GLT6D1: variants seen among roughly 807,000 people sequenced by gnomAD.
GLT6D1 encodes the protein glycosyltransferase 6 domain containing 1, also known as putative glycosyltransferase 6 domain-containing protein 1.
In GLT6D1, 9 loss-of-function variants were observed where a neutral mutation model predicts 12.3. The ratio of observed to expected loss-of-function variants is 0.73; its 90% confidence interval spans 0.44 to 1.27. The LOEUF is 1.27. GLT6D1 is among the 50% of genes most tolerant of loss of function. GLT6D1 has a pLI of 0.00. For synonymous variants in GLT6D1, 128 were observed against 132.3 expected, an observed-to-expected ratio of 0.97 and a Z score of 0.23; for missense variants, 335 against 346.2, an observed-to-expected ratio of 0.97 and a Z score of 0.26.
At chr9:135,639,842 C>CTT (rs5901082), upstream of GLT6D1, among the ~76,000 whole-genome samples, 218 of 126,782 alleles carry the variant, frequency 1.7e-3, 1 homozygote, top group African/African-American at 4.5e-3. Flanking sequence ...CTGATTTTCA[C>CTT]TTTTTTTTTT....
intron 2 of GLT6D1, among the ~76,000 whole-genome samples, chr9:135,632,047 T>A (rs563587843): frequency 1.3e-5 from 2 of 151,966 alleles, no homozygotes; most frequent in East Asian, 3.9e-4. Context: ...ATTTCAACAC[T>A]GCGTTCTTCT....
At chr9:135,627,098 C>T (rs376047484) in intron 3 of GLT6D1, among the ~76,000 whole-genome samples, 2 of 152,066 alleles carry the variant, frequency 1.3e-5, no homozygotes, top group East Asian at 1.9e-4. Context: ...CGTGGCAGTA[C>T]CAACATAGTG....
chr9:135,631,592 G>A, intron 2 of GLT6D1, 114 bp from the exon 3 acceptor site: 2 of 789,078 alleles, frequency 2.5e-6, no homozygotes, highest in Non-Finnish European at 4.5e-6. Context: ...CCAAATCAGA[G>A]TCAGGGGAAG....
upstream of GLT6D1, among the ~76,000 whole-genome samples, chr9:135,640,293 A>G (rs905433929): frequency 6.6e-6 from 1 of 152,202 alleles, no homozygotes; most frequent in Non-Finnish European, 1.5e-5. Flanking sequence ...CACATCGATC[A>G]CAGGTGAAAC....
At position 135,623,871 on chromosome 9, in the gene GLT6D1, G is replaced by A; in HGVS notation, c.*226C>T. ...TAGCCAAATAAGATGGCTCAAAATGGCAAGAAGAAACATTTATTTGGGAAG... is the reference window on the plus strand; with the variant it reads ...TAGCCAAATAAGATGGCTCAAAATGACAAGAAGAAACATTTATTTGGGAAG... On this transcript the variant is annotated 3_prime_UTR_variant, in exon 5 of 5. Transcript: ENST00000371763. 2.1e-6 allele frequency: 1 copy of A among 468,272 alleles called. No individual in the cohort carries two copies. The highest frequency in any genetic ancestry group is 3.8e-6 in the Non-Finnish European group (1 of 265,882). 29.0% of individuals were successfully genotyped at this position (468,272 alleles called of 1,614,324 possible).
rs184784186 is a variant in GLT6D1 at position 135,631,121 on chromosome 9, T to C, written c.119+310A>G. On this transcript the variant is annotated intron_variant, in intron 3 of 4. Transcript: ENST00000371763. ...ACTTTACAAAGGATGAGGCTGCCCC[T>C]GAGTGCTGCCACCAAAGTCAAGCAG... Among the ~76,000 whole-genome samples the C allele has an allele frequency of 4.1e-3, 627 of 152,292 alleles. 22 individuals are homozygous for C. Among genetic ancestry groups the C allele is most frequent in the Admixed American group, 0.036 (552 of 15,294 alleles).
At chr9:135,630,260 G>A (rs7847967) in intron 3 of GLT6D1, among the ~76,000 whole-genome samples, 1,658 of 151,972 alleles carry the variant, frequency 0.011, 32 homozygotes, top group African/African-American at 0.038. Context: ...AAAAAAATTA[G>A]CCAGGCGTGG....
Position 135,624,395 on chromosome 9 carries a change from A to G in GLT6D1, c.533T>C (p.Phe178Ser). 6.2e-7 allele frequency: 1 copy of G among 1,614,178 alleles called. No homozygotes were observed. Among genetic ancestry groups the G allele is most frequent in the South Asian group, 1.1e-5 (1 of 91,078 alleles). The change falls in exon 5 of 5, where the codon TTC (phenylalanine) becomes TCC (serine). Residue 178 changes from phenylalanine (F) to serine (S), a missense_variant. Coordinates refer to ENST00000371763, the MANE Select transcript of GLT6D1 (RefSeq NM_182974.3). ...GGTCTCCACCCCGAACTCATTCTGG[A>G]AGACCTGGTTGGCAGCCATGCTGAA... ...FLFSMAANQV[F>S]QNEFGVETLG...
intron 2 of GLT6D1, among the ~76,000 whole-genome samples, chr9:135,633,034 C>T (rs370552904): frequency 1.9e-3 from 284 of 152,268 alleles, no homozygotes; most frequent in African/African-American, 5.6e-3. Context: ...CACGCACACA[C>T]GCAAGCACAC....
intron 2 of GLT6D1, among the ~76,000 whole-genome samples, chr9:135,632,825 A>C (rs1364463580): frequency 6.6e-6 from 1 of 151,948 alleles, no homozygotes; most frequent in Non-Finnish European, 1.5e-5. Flanking sequence ...ACGCCACCAC[A>C]CCCAGCTATT....
At chr9:135,626,233 G>A (rs1236166731) in intron 3 of GLT6D1, 27 bp from the exon 4 acceptor site, 6 of 1,611,852 alleles carry the variant, frequency 3.7e-6, no homozygotes, top group African/African-American at 1.3e-5. Flanking sequence ...AAGTTAAACA[G>A]GGAGTGCTTT....
intron 2 of GLT6D1, among the ~76,000 whole-genome samples, chr9:135,638,455 A>T (rs1833826204): frequency 6.6e-6 from 1 of 152,246 alleles, no homozygotes; most frequent in South Asian, 2.1e-4. Flanking sequence ...AACCTTTAGT[A>T]TTATTTATAT....
chr9:135,637,072 G>A lies in GLT6D1; in HGVS notation c.71+2045C>T, dbSNP rs573766380. 6.6e-5 allele frequency among the ~76,000 whole-genome samples: 10 copies of A among 151,842 alleles called. No homozygotes were observed. The South Asian group carries it at 1.5e-3, about 22-fold the overall frequency. The stretch of plus-strand genomic sequence containing the variant: ...TCTCCATGTTGGTCAGGCTGGTCTC[G>A]AACTCCCGGCCTCAGGTGATCCACC... On this transcript the variant is annotated intron_variant, in intron 2 of 4. Coordinates refer to ENST00000371763, the MANE Select transcript of GLT6D1 (RefSeq NM_182974.3).
At chr9:135,626,670 TTC>T (rs1833527325) in intron 3 of GLT6D1, among the ~76,000 whole-genome samples, 1 of 152,158 alleles carries the variant, frequency 6.6e-6, no homozygotes, top group Admixed American at 6.5e-5. Context: ...CTTCTCTGCT[TTC>T]TTTTTCTCTC....
At chr9:135,632,103 A>G (rs1833661826) in intron 2 of GLT6D1, among the ~76,000 whole-genome samples, 1 of 150,382 alleles carries the variant, frequency 6.6e-6, no homozygotes, top group Non-Finnish European at 1.5e-5. Flanking sequence ...TAGCAAGCTT[A>G]TTAGGCAACC....
chr9:135,624,136 C>T lies in GLT6D1; in HGVS notation c.792G>A (p.Lys264=). The change falls in exon 5 of 5, where the codon AAG becomes AAA. Residue 264 remains lysine (K), a synonymous_variant. Transcript: ENST00000371763. ...TGAGGTAAAAATATTTGTTAAGGTGCTTTTCATAAGTGCTATTGAGTCCAT... is the reference window on the plus strand; with the variant it reads ...TGAGGTAAAAATATTTGTTAAGGTGTTTTTCATAAGTGCTATTGAGTCCAT... ...IKNGLNSTYE[K]HLNKYFYLNK... 1.2e-6 allele frequency: 2 copies of T among 1,613,256 alleles called. No homozygotes were observed. Among genetic ancestry groups the T allele is most frequent in the Non-Finnish European group, 1.7e-6 (2 of 1,179,642 alleles).
At chr9:135,626,383 CT>C (rs1359559534) in intron 3 of GLT6D1, among the ~76,000 whole-genome samples, 177 bp from the exon 4 acceptor site, 2 of 151,692 alleles carry the variant, frequency 1.3e-5, no homozygotes, top group East Asian at 3.9e-4. Flanking sequence ...GCCACCACCC[CT>C]GATCTCCACG....
chr9:135,625,860 T>G (rs1426028395), intron 4 of GLT6D1, among the ~76,000 whole-genome samples: 2 of 152,202 alleles, frequency 1.3e-5, no homozygotes, highest in Non-Finnish European at 2.9e-5. Context: ...CTTGCAAGAC[T>G]GTCACTAAAA....
intron 2 of GLT6D1, among the ~76,000 whole-genome samples, chr9:135,632,130 G>T (rs567042852): frequency 8.4e-6 from 1 of 119,566 alleles, no homozygotes; most frequent in Admixed American, 1.0e-4. Flanking sequence ...TCATAACCCT[G>T]GGAGCAATTT....
Sources: gnomAD v4.1 joint callset for allele counts (sites outside exome capture counted in the v4.1 genomes callset) on GRCh38, gnomAD v4.1.1 for gene constraint, MANE v1.5 for transcripts, NCBI Gene and HGNC (gene_info 2026-07-23, HGNC 2026-07-21) for gene names.